DRC11: variants seen among roughly 807,000 people sequenced by gnomAD.
The protein encoded by DRC11 is dynein regulatory complex subunit 11, also known as IQ and AAA domain-containing protein 1.
chr2:236,357,948 T>C, the DRC11 span, among the ~76,000 whole-genome samples: 2 of 114,834 alleles, frequency 1.7e-5, no homozygotes, highest in East Asian at 2.5e-4. Context: ...ATATATAATA[T>C]ATAAATATAT....
At chr2:236,440,962 C>G in the DRC11 span, 1 of 899,420 alleles carries the variant, frequency 1.1e-6, no homozygotes, top group African/African-American at 1.7e-5. Flanking sequence ...CCTAATAACG[C>G]TATAAACTCA....
chr2:236,432,215 T>C, the DRC11 span, among the ~76,000 whole-genome samples: 2 of 152,336 alleles, frequency 1.3e-5, no homozygotes, highest in South Asian at 4.1e-4. Flanking sequence ...TAGCCATCCA[T>C]ACATCTTCCT....
the DRC11 span, among the ~76,000 whole-genome samples, chr2:236,491,153 C>CAGTATATATATATAT: frequency 1.9e-5 from 1 of 52,026 alleles, no homozygotes; most frequent in East Asian, 3.8e-4. Context: ...TATATATATA[C>CAGTATATATATATAT]ACACAGTATA....
At chr2:236,416,719 A>ATATATATT in the DRC11 span, among the ~76,000 whole-genome samples, 1 of 60,856 alleles carries the variant, frequency 1.6e-5, no homozygotes, top group Non-Finnish European at 3.1e-5. Context: ...ATATATATAT[A>ATATATATT]TTTATATATA....
chr2:236,497,072 G>A, the DRC11 span: 2 of 999,280 alleles, frequency 2.0e-6, no homozygotes, highest in Non-Finnish European at 2.9e-6. This position sits in a 1 kb window ranked among gnomAD's most constrained non-coding sequence, Gnocchi z 5.1. Context: ...ACACGGACAG[G>A]AAGTCTGTAG....
the DRC11 span, among the ~76,000 whole-genome samples, chr2:236,499,423 T>C: frequency 6.6e-6 from 1 of 152,142 alleles, no homozygotes; most frequent in East Asian, 1.9e-4. This position sits in a 1 kb window ranked among gnomAD's most constrained non-coding sequence, Gnocchi z 4.7. Flanking sequence ...CTGCTCTCCC[T>C]TTCCCACATT....
chr2:236,493,903 A>C, the DRC11 span: 13 of 1,577,934 alleles, frequency 8.2e-6, no homozygotes, highest in Non-Finnish European at 1.7e-6. Flanking sequence ...GAAGAGAAAG[A>C]ATAAAAAAGA....
chr2:236,357,547 TTATTACA>T, the DRC11 span, among the ~76,000 whole-genome samples: 4 of 127,026 alleles, frequency 3.1e-5, no homozygotes, highest in South Asian at 9.4e-4. Flanking sequence ...AATTTATATA[TTATTACA>T]TATTTACATA....
the DRC11 span, among the ~76,000 whole-genome samples, chr2:236,434,097 G>A: frequency 6.6e-6 from 1 of 152,164 alleles, no homozygotes; most frequent in East Asian, 1.9e-4. The surrounding 1 kb of genome is among the most constrained non-coding windows in gnomAD (Gnocchi z 5.5). Context: ...TTGCATCCTG[G>A]AATAATCACC....
chr2:236,436,685 T>C, the DRC11 span, among the ~76,000 whole-genome samples: 2,471 of 152,282 alleles, frequency 0.016, 70 homozygotes, highest in African/African-American at 0.058. Context: ...AAAGTCAGAC[T>C]CCTTGAGTAT....
chr2:236,361,253 TA>T, the DRC11 span, among the ~76,000 whole-genome samples: 47 of 151,998 alleles, frequency 3.1e-4, 1 homozygote, highest in Admixed American at 3.1e-3. This position sits in a 1 kb window ranked among gnomAD's most constrained non-coding sequence, Gnocchi z 5.7. Flanking sequence ...AAATAAAAAA[TA>T]AGAAGATCAG....
chr2:236,417,945 A>G, the DRC11 span, among the ~76,000 whole-genome samples: 2 of 152,316 alleles, frequency 1.3e-5, no homozygotes, highest in South Asian at 4.1e-4. Context: ...TCCATGGTGT[A>G]TATGTGCCAC....
the DRC11 span, among the ~76,000 whole-genome samples, chr2:236,394,687 G>A: frequency 1.5e-3 from 234 of 152,232 alleles, 3 homozygotes; most frequent in Middle Eastern, 3.4e-3. This position sits in a 1 kb window ranked among gnomAD's most constrained non-coding sequence, Gnocchi z 7.0. Context: ...AGCACAGAAG[G>A]GGCAGAAGGG....
the DRC11 span, chr2:236,503,738 G>A: frequency 1.1e-5 from 16 of 1,523,060 alleles, no homozygotes; most frequent in Middle Eastern, 3.4e-4. The surrounding 1 kb of genome is among the most constrained non-coding windows in gnomAD (Gnocchi z 4.9). Context: ...GCCTCTCCAC[G>A]TGACCACACC....
chr2:236,343,239 G>T, the DRC11 span, among the ~76,000 whole-genome samples: 1 of 152,034 alleles, frequency 6.6e-6, no homozygotes, highest in Non-Finnish European at 1.5e-5. The surrounding 1 kb of genome is among the most constrained non-coding windows in gnomAD (Gnocchi z 6.6). Context: ...CCCTCTCAGC[G>T]CTCCTTCCCC....
At chr2:236,334,691 G>T in the DRC11 span, among the ~76,000 whole-genome samples, 1 of 152,098 alleles carries the variant, frequency 6.6e-6, no homozygotes, top group Non-Finnish European at 1.5e-5. This position sits in a 1 kb window ranked among gnomAD's most constrained non-coding sequence, Gnocchi z 7.8. Context: ...CGCAGTCTCT[G>T]AACATTCATT....
chr2:236,394,763 C>T, the DRC11 span, among the ~76,000 whole-genome samples: 1 of 152,122 alleles, frequency 6.6e-6, no homozygotes. This position sits in a 1 kb window ranked among gnomAD's most constrained non-coding sequence, Gnocchi z 7.0. Context: ...GCACGGATGG[C>T]TCAGCAGGTG....
chr2:236,359,017 C>T, the DRC11 span, among the ~76,000 whole-genome samples: 3 of 151,662 alleles, frequency 2.0e-5, no homozygotes, highest in South Asian at 4.2e-4. The surrounding 1 kb of genome is among the most constrained non-coding windows in gnomAD (Gnocchi z 4.3). Flanking sequence ...TTCCTGTATC[C>T]GCCTTGCCAG....
chr2:236,420,545 G>C, the DRC11 span, among the ~76,000 whole-genome samples: 27 of 152,156 alleles, frequency 1.8e-4, no homozygotes, highest in Non-Finnish European at 1.5e-5. The surrounding 1 kb of genome is among the most constrained non-coding windows in gnomAD (Gnocchi z 4.8). Flanking sequence ...TCCTAGTGTG[G>C]AGAAAGGCGA....
Sources: gnomAD v4.1 joint callset for allele counts (sites outside exome capture counted in the v4.1 genomes callset) on GRCh38, gnomAD v4.1.1 for gene constraint, Gnocchi (gnomAD v3.1) non-coding constraint, MANE v1.5 for transcripts, NCBI Gene and HGNC (gene_info 2026-07-23, HGNC 2026-07-21) for gene names.